SLC16A9: variants seen among roughly 807,000 people sequenced by gnomAD.
The protein encoded by SLC16A9 is monocarboxylate transporter 9.
A neutral mutation model predicts 44.3 loss-of-function variants in SLC16A9; 26 were observed. The observed-to-expected ratio is 0.59, with a 90% CI of 0.43 to 0.81. The LOEUF is 0.81. SLC16A9 is among the 40% of genes least tolerant of loss of function. The pLI, the probability that SLC16A9 is intolerant of heterozygous loss-of-function variation, is 0.00. For missense variants in SLC16A9, 559 were observed against 595.8 expected, an observed-to-expected ratio of 0.94 and a Z score of 0.64; for synonymous variants, 230 against 225.1, an observed-to-expected ratio of 1.02 and a Z score of -0.19.
rs1177451505 is a variant in SLC16A9 at position 59,704,594 on chromosome 10, A to T, written c.-37+4885T>A. On this transcript the variant is annotated intron_variant, in intron 1 of 5. Coordinates refer to ENST00000395348, the MANE Select transcript of SLC16A9 (RefSeq NM_194298.3). ...CCAAATATTTAACAAAGTAAATACA[A>T]AAATAAAGATGTAACAGTTAAATTT... Among the ~76,000 whole-genome samples, 4 of 152,362 alleles carry T rather than the reference A, an allele frequency of 2.6e-5. No homozygotes were observed. The East Asian group carries it at 5.8e-4, about 22-fold the overall frequency.
chr10:59,658,763 G>A (rs1467239508), intron 4 of SLC16A9, among the ~76,000 whole-genome samples: 1 of 152,108 alleles, frequency 6.6e-6, no homozygotes, highest in East Asian at 1.9e-4. Context: ...CTCTGGCCTT[G>A]TCTCCACCTA....
At chr10:59,696,284 T>G (rs561226384) in intron 1 of SLC16A9, among the ~76,000 whole-genome samples, 109 of 152,334 alleles carry the variant, frequency 7.2e-4, no homozygotes, top group African/African-American at 2.5e-3. Flanking sequence ...TCGTATTTTT[T>G]TGGTGGAGAG....
At chr10:59,700,962 G>GTC (rs981602557) in intron 1 of SLC16A9, among the ~76,000 whole-genome samples, 1 of 152,160 alleles carries the variant, frequency 6.6e-6, no homozygotes, top group Non-Finnish European at 1.5e-5. Context: ...CAAGCAAGAA[G>GTC]TCTGAAGTCT....
At chr10:59,685,619 T>C (rs989551155) in intron 1 of SLC16A9, among the ~76,000 whole-genome samples, 3 of 152,270 alleles carry the variant, frequency 2.0e-5, no homozygotes, top group African/African-American at 7.2e-5. Flanking sequence ...TATTCCAGTA[T>C]GGGACTTTAT....
rs1357768456 is a variant in SLC16A9 at position 59,685,118 on chromosome 10, T to C, written c.-36-791A>G. Among the ~76,000 whole-genome samples, 5 of 152,232 alleles carry C rather than the reference T, an allele frequency of 3.3e-5. No homozygotes were observed. The East Asian group carries it at 7.7e-4, about 23-fold the overall frequency. On this transcript the variant is annotated intron_variant, in intron 1 of 5. Coordinates refer to ENST00000395348, the MANE Select transcript of SLC16A9 (RefSeq NM_194298.3). ...ACCAAGCAAATATTTTCAATGTCTCTCTTTTTCATAAAAAAGTAGTATATT... is the reference window on the plus strand; with the variant it reads ...ACCAAGCAAATATTTTCAATGTCTCCCTTTTTCATAAAAAAGTAGTATATT...
chr10:59,665,178 A>G (rs911679170), intron 3 of SLC16A9, among the ~76,000 whole-genome samples: 13 of 152,278 alleles, frequency 8.5e-5, no homozygotes, highest in South Asian at 6.2e-4. Flanking sequence ...TGACAACCCC[A>G]GTTTGTTTTT....
chr10:59,659,287 G>C (rs1034967685), intron 4 of SLC16A9, among the ~76,000 whole-genome samples: 2 of 152,078 alleles, frequency 1.3e-5, no homozygotes, highest in Non-Finnish European at 2.9e-5. Context: ...TAGAAAAATT[G>C]TAAGTTCCAC....
chr10:59,708,501 C>T (rs930090049), intron 1 of SLC16A9: 5 of 152,136 alleles, frequency 3.3e-5, no homozygotes, highest in African/African-American at 7.2e-5. Flanking sequence ...ATGGGAGAAT[C>T]CACCTTCAAT....
At chr10:59,658,227 T>C (rs1360308706) in intron 4 of SLC16A9, among the ~76,000 whole-genome samples, 1 of 151,482 alleles carries the variant, frequency 6.6e-6, no homozygotes, top group Middle Eastern at 3.4e-3. Flanking sequence ...TGTTTCCAGT[T>C]GTCCTGCCTT....
At position 59,697,738 on chromosome 10, in the gene SLC16A9, T is replaced by A. The variant is rs1372714406; in HGVS notation, c.-37+11741A>T. 2.7e-5 allele frequency among the ~76,000 whole-genome samples: 4 copies of A among 146,046 alleles called. 1 individual carries two copies. The highest frequency in any genetic ancestry group is 2.0e-4 in the Admixed American group (3 of 14,826). On this transcript the variant is annotated intron_variant, in intron 1 of 5. Coordinates refer to ENST00000395348, the MANE Select transcript of SLC16A9 (RefSeq NM_194298.3). ...ACCCAAGAATGATCAATAAAAAAAATAAAATAAAAAATAAATAAATAAATA... is the reference window on the plus strand; with the variant it reads ...ACCCAAGAATGATCAATAAAAAAAAAAAAATAAAAAATAAATAAATAAATA...
rs548555469 is a variant in SLC16A9, at chr10:59,684,029, G to A, written c.196+67C>T. ...GAAAGCCCTCTCTGCCTTGCACAAT[G>A]TTCATGATGTAGTAAATGTAATTAA... is the stretch of plus-strand genomic sequence containing the variant. On this transcript the variant is annotated intron_variant, in intron 2 of 5. Transcript: ENST00000395348. 37 of 1,354,326 alleles carry A rather than the reference G, an allele frequency of 2.7e-5. No individual in the cohort carries two copies. The South Asian group carries it at 4.8e-4, about 18-fold the overall frequency. The allele number at this position is 1,354,326 out of a possible 1,614,324, so 83.9% of individuals were successfully genotyped here.
chr10:59,657,196 C>T (rs1208931758), intron 4 of SLC16A9, among the ~76,000 whole-genome samples: 1 of 152,110 alleles, frequency 6.6e-6, no homozygotes, highest in Non-Finnish European at 1.5e-5. Flanking sequence ...TATGAATATT[C>T]TTCTTTTGAT....
intron 1 of SLC16A9, among the ~76,000 whole-genome samples, chr10:59,696,260 C>A (rs1840370954): frequency 6.6e-6 from 1 of 152,244 alleles, no homozygotes; most frequent in South Asian, 2.1e-4. Context: ...CGGGCCCCCA[C>A]GCCTGACTGG....
At position 59,651,766 on chromosome 10, in the gene SLC16A9, C is replaced by T. The variant is rs1414671988; in HGVS notation, c.*1006G>A. The T allele has an allele frequency of 7.0e-6, 1 of 142,296 alleles. No individual in the cohort carries two copies. Among genetic ancestry groups the T allele is most frequent in the Non-Finnish European group, 1.5e-5 (1 of 67,554 alleles). The allele number at this position is 142,296 out of a possible 1,614,324, so 8.8% of individuals were successfully genotyped here. A position where few individuals can be genotyped will look rare whatever the true frequency, so the allele number is the denominator to read the frequency against. On this transcript the variant is annotated 3_prime_UTR_variant, in exon 6 of 6. Coordinates refer to ENST00000395348, the MANE Select transcript of SLC16A9 (RefSeq NM_194298.3). ...ATGCAGACTTAGAGCATGCATAGCA[C>T]ACACACACACACACACACACACTCA... is the stretch of plus-strand genomic sequence containing the variant.
intron 4 of SLC16A9, among the ~76,000 whole-genome samples, chr10:59,660,319 GATC>G (rs1321599678): frequency 6.6e-6 from 1 of 151,940 alleles, no homozygotes; most frequent in Non-Finnish European, 1.5e-5. Flanking sequence ...ATAAAGGGGA[GATC>G]ACCACTGATC....
chr10:59,668,575 G>T (rs1200071967), intron 3 of SLC16A9, among the ~76,000 whole-genome samples: 3 of 152,160 alleles, frequency 2.0e-5, no homozygotes, highest in Non-Finnish European at 4.4e-5. Flanking sequence ...ACAATTGGTT[G>T]TGCGACTTTG....
rs1839904573 is a variant in SLC16A9, at chr10:59,678,340, C to G, written c.197-5427G>C. Among the ~76,000 whole-genome samples the G allele has an allele frequency of 2.6e-5, 4 of 151,470 alleles. No homozygotes were observed. The South Asian group carries it at 8.4e-4, about 32-fold the overall frequency. On this transcript the variant is annotated intron_variant, in intron 2 of 5. Coordinates refer to ENST00000395348, the MANE Select transcript of SLC16A9 (RefSeq NM_194298.3). ...CCTCCAAATTGCAGGTTCCTCAATC[C>G]TTGCTCCAGCAAAGACTGTAAATCT...
At chr10:59,707,285 A>G (rs1477085091) in intron 1 of SLC16A9, among the ~76,000 whole-genome samples, 9 of 62,694 alleles carry the variant, frequency 1.4e-4, no homozygotes, top group Non-Finnish European at 1.4e-4. Flanking sequence ...GAGGGAAGGG[A>G]AGGGAAGGGA....
At chr10:59,675,380 G>C (rs887227633) in intron 2 of SLC16A9, among the ~76,000 whole-genome samples, 4 of 152,202 alleles carry the variant, frequency 2.6e-5, no homozygotes, top group Non-Finnish European at 5.9e-5. Flanking sequence ...GGTACTGTTA[G>C]AGTAGGTAGT....
Sources: gnomAD v4.1 joint callset for allele counts (sites outside exome capture counted in the v4.1 genomes callset) on GRCh38, gnomAD v4.1.1 for gene constraint, MANE v1.5 for transcripts, NCBI Gene and HGNC (gene_info 2026-07-23, HGNC 2026-07-21) for gene names.